Variants in ROBO1 observed in about 807,000 individuals in gnomAD.
The protein encoded by ROBO1 is roundabout guidance receptor 1, also known as roundabout homolog 1.
Under a neutral mutation model 195.9 loss-of-function variants are expected in ROBO1, and 149 were observed. The observed-to-expected ratio is 0.76, with a 90% confidence interval of 0.67 to 0.87. The LOEUF (loss-of-function observed/expected upper bound fraction) is 0.87. Ranked by LOEUF, ROBO1 falls within the 40% of genes least tolerant of loss-of-function variation. ROBO1 has a pLI of 0.00. For missense variants in ROBO1, 1,933 were observed against 2,068.3 expected (o/e 0.93, Z 1.27); for synonymous variants, 816 against 733.2 (o/e 1.11, Z -1.82).
At chr3:78,785,441 A>T (rs891136164) in intron 4 of ROBO1, among the ~76,000 whole-genome samples, 1 of 152,062 alleles carries the variant, frequency 6.6e-6, no homozygotes, top group Non-Finnish European at 1.5e-5. Context: ...TTACTGCTTC[A>T]CTGCTTTCAA....
intron 8 of ROBO1, among the ~76,000 whole-genome samples, chr3:78,694,877 TA>T (rs2081251102): frequency 1.3e-5 from 2 of 152,136 alleles, no homozygotes; most frequent in Non-Finnish European, 2.9e-5. Context: ...GCAGTTAAAA[TA>T]AACCCTTACT....
At chr3:79,421,088 G>A (rs188799003) in intron 2 of ROBO1, among the ~76,000 whole-genome samples, 1 of 152,198 alleles carries the variant, frequency 6.6e-6, no homozygotes, top group East Asian at 1.9e-4. Flanking sequence ...GGATGGATCT[G>A]GAAGCTATTG....
chr3:79,740,975 A>G (rs1250790577), intron 1 of ROBO1, among the ~76,000 whole-genome samples: 1 of 152,212 alleles, frequency 6.6e-6, no homozygotes, highest in Non-Finnish European at 1.5e-5. Flanking sequence ...CTACATCTAT[A>G]TCCTTTCAAG....
intron 18 of ROBO1, among the ~76,000 whole-genome samples, chr3:78,652,400 T>C (rs1001496520): frequency 6.6e-6 from 1 of 151,200 alleles, no homozygotes; most frequent in Non-Finnish European, 1.5e-5. Context: ...TAGTATGTTC[T>C]AAAAAAAAAG....
rs758571500 is a variant in ROBO1 at position 78,938,605 on chromosome 3, T to C, written c.495A>G (p.Val165=). The C allele has an allele frequency of 5.6e-6, 9 of 1,605,092 alleles. No individual in the cohort carries two copies. Among genetic ancestry groups the C allele is most frequent in the Non-Finnish European group, 7.7e-6 (9 of 1,173,400 alleles). Residue 165 remains valine (V), a synonymous_variant, in exon 4 of 31, where the codon GTA becomes GTG. Transcript: ENST00000464233. ...CAGAGCGCCCAGTTTACTTACTGGC[T>C]ACTTCCAGCGATGCATTGTGGCTCA... The part of the protein sequence containing the change: ...EAVSHNASLE[V]AILRDDFRQN...
chr3:79,636,276 C>T (rs1370090081), intron 1 of ROBO1, among the ~76,000 whole-genome samples: 1 of 152,000 alleles, frequency 6.6e-6, no homozygotes. Flanking sequence ...TACATGGATT[C>T]AACAAATACA....
rs536058523 is a variant in ROBO1, at chr3:79,686,564, T to C, written c.-51+81188A>G. Reference sequence around the variant, plus strand: ...CAATGTACAAAAATCACAAGCATTCTTATACACCAATAACAGACAGAGAGC... The same window carrying C: ...CAATGTACAAAAATCACAAGCATTCCTATACACCAATAACAGACAGAGAGC... On this transcript the variant is annotated intron_variant, in intron 1 of 30. Coordinates refer to ENST00000464233, the MANE Select transcript of ROBO1 (RefSeq NM_002941.4). 7.9e-5 allele frequency among the ~76,000 whole-genome samples: 12 copies of C among 152,216 alleles called. No individual in the cohort carries two copies. In the South Asian group the frequency reaches 1.5e-3, roughly 18 times the overall value.
intron 4 of ROBO1, among the ~76,000 whole-genome samples, chr3:78,898,324 T>G (rs946982078): frequency 4.7e-5 from 7 of 148,928 alleles, no homozygotes; most frequent in Non-Finnish European, 7.4e-5. Context: ...CTCTATGGAC[T>G]ATATATATAG....
chr3:79,645,112 A>T (rs1945780217), intron 1 of ROBO1, among the ~76,000 whole-genome samples: 1 of 152,102 alleles, frequency 6.6e-6, no homozygotes, highest in Admixed American at 6.6e-5. Context: ...AAACAGTAGA[A>T]AGACTTCAAA....
At position 79,290,167 on chromosome 3, in the gene ROBO1, T is replaced by C. The variant is rs184348188; in HGVS notation, c.89-164628A>G. On this transcript the variant is annotated intron_variant, in intron 2 of 30. Transcript: ENST00000464233. ...GATTCTCCTGCCTCAGCCTCCCTAG[T>C]AGCTGGGAGTAGTCCGCCACCATGC... Among the ~76,000 whole-genome samples the C allele has an allele frequency of 7.9e-5, 12 of 152,200 alleles. No homozygotes were observed. In the East Asian group the frequency reaches 2.3e-3, roughly 29 times the overall value.
intron 4 of ROBO1, among the ~76,000 whole-genome samples, chr3:78,830,215 C>T (rs1194475666): frequency 6.6e-6 from 1 of 152,156 alleles, no homozygotes; most frequent in Admixed American, 6.5e-5. Flanking sequence ...AAGGTTCACC[C>T]CTACATTTCT....
At chr3:79,158,449 T>C (rs1342007216) in intron 2 of ROBO1, among the ~76,000 whole-genome samples, 2 of 151,686 alleles carry the variant, frequency 1.3e-5, no homozygotes, top group Non-Finnish European at 2.9e-5. Flanking sequence ...ATGTCATATA[T>C]TATCACATAT....
chr3:79,019,153 G>A (rs371486183), intron 3 of ROBO1: 7 of 986,426 alleles, frequency 7.1e-6, no homozygotes, highest in Non-Finnish European at 8.4e-6. Context: ...GCGGACACTC[G>A]CACGTCTTCT....
chr3:78,641,091 G>A (rs3821598), intron 21 of ROBO1, among the ~76,000 whole-genome samples: 7,386 of 151,984 alleles, frequency 0.049, 217 homozygotes, highest in African/African-American at 0.075. Flanking sequence ...TGCTTATAAT[G>A]TGTGAGGCAT....
intron 8 of ROBO1, among the ~76,000 whole-genome samples, chr3:78,711,345 T>TTTC (rs1559772639): frequency 2.0e-5 from 1 of 49,448 alleles, no homozygotes; most frequent in African/African-American, 8.7e-5. Context: ...CCTTCCTTCC[T>TTTC]TCCTCCTTCC....
chr3:78,986,861 G>A (rs2077118208), intron 3 of ROBO1, among the ~76,000 whole-genome samples: 1 of 152,172 alleles, frequency 6.6e-6, no homozygotes, highest in Admixed American at 6.5e-5. Flanking sequence ...CAGGCAGGCT[G>A]AATGATGAGT....
At chr3:79,293,621 A>T (rs1239985590) in intron 2 of ROBO1, among the ~76,000 whole-genome samples, 1 of 152,192 alleles carries the variant, frequency 6.6e-6, no homozygotes, top group African/African-American at 2.4e-5. Context: ...GCTCAAGGAA[A>T]TAGCAGAGGA....
At chr3:79,057,794 C>T (rs1312928172) in intron 3 of ROBO1, among the ~76,000 whole-genome samples, 1 of 151,980 alleles carries the variant, frequency 6.6e-6, no homozygotes, top group East Asian at 1.9e-4. Context: ...CTTATTCGAC[C>T]TCTCACCTGG....
At chr3:78,983,067 C>G (rs1272699840) in intron 3 of ROBO1, among the ~76,000 whole-genome samples, 2 of 152,084 alleles carry the variant, frequency 1.3e-5, no homozygotes, top group African/African-American at 4.8e-5. Context: ...ACCACCACAC[C>G]AAGCTAATTT....
Sources: gnomAD v4.1 joint callset for allele counts (sites outside exome capture counted in the v4.1 genomes callset) on GRCh38, gnomAD v4.1.1 for gene constraint, MANE v1.5 for transcripts, NCBI Gene and HGNC (gene_info 2026-07-23, HGNC 2026-07-21) for gene names.